PLCZ1: variants seen among roughly 807,000 people sequenced by gnomAD.
PLCZ1 encodes the protein 1-phosphatidylinositol 4,5-bisphosphate phosphodiesterase zeta-1.
Under a neutral mutation model 76.8 loss-of-function variants are expected in PLCZ1, and 64 were observed. The observed-to-expected ratio is 0.83, with a 90% CI of 0.68 to 1.03. PLCZ1 has a LOEUF of 1.03. Ranked by LOEUF, PLCZ1 falls within the 50% of genes least tolerant of loss-of-function variation. The pLI, the probability that PLCZ1 is intolerant of heterozygous loss-of-function variation, is 0.00. For synonymous variants in PLCZ1, 248 were observed against 230.8 expected, an observed-to-expected ratio of 1.07 and a Z score of -0.68; for missense variants, 751 against 713.7, an observed-to-expected ratio of 1.05 and a Z score of -0.60.
the PLCZ1 span, among the ~76,000 whole-genome samples, chr12:18,652,790 G>A: frequency 6.6e-6 from 1 of 151,912 alleles, no homozygotes; most frequent in East Asian, 1.9e-4. Context: ...CTAATGAGGT[G>A]GGAAAGAAAG....
chr12:18,683,633 T>C (rs1409698567), intron 14 of PLCZ1: 26 of 1,383,194 alleles, frequency 1.9e-5, no homozygotes, highest in Non-Finnish European at 2.2e-5. Context: ...TCTCAGATGC[T>C]GTTAGAAAAG....
intron 12 of PLCZ1, among the ~76,000 whole-genome samples, chr12:18,689,603 T>G (rs965372348): frequency 1.3e-5 from 2 of 152,152 alleles, no homozygotes; most frequent in African/African-American, 2.4e-5. Context: ...ATTAACAAAT[T>G]TGTTTGTACA....
chr12:18,683,151 T>C (rs1952592411), downstream of PLCZ1: 1 of 1,129,930 alleles, frequency 8.9e-7, no homozygotes, highest in African/African-American at 1.6e-5. Context: ...TTATTTTTCT[T>C]TATGTTTAAA....
At chr12:18,661,937 TA>T in the PLCZ1 span, among the ~76,000 whole-genome samples, 7 of 151,996 alleles carry the variant, frequency 4.6e-5, no homozygotes, top group East Asian at 1.4e-3. Flanking sequence ...TACACATCCA[TA>T]AAAAAAGAAC....
intron 13 of PLCZ1, chr12:18,685,679 A>T: frequency 3.9e-6 from 2 of 515,496 alleles, no homozygotes; most frequent in Non-Finnish European, 7.8e-6. Flanking sequence ...AAATAATTTC[A>T]TGGGGTACAG....
chr12:18,735,509 G>C (rs76211459), intron 3 of PLCZ1, among the ~76,000 whole-genome samples: 1 of 152,104 alleles, frequency 6.6e-6, no homozygotes, highest in East Asian at 1.9e-4. Context: ...CAAAGCATTG[G>C]GATTACAGGT....
intron 5 of PLCZ1, 51 bp downstream of exon 5, chr12:18,719,380 G>T: frequency 8.9e-7 from 1 of 1,127,264 alleles, no homozygotes; most frequent in South Asian, 2.4e-5. Context: ...GACACTGCCA[G>T]GAACTTCCAA....
the PLCZ1 span, among the ~76,000 whole-genome samples, chr12:18,655,767 T>C: frequency 0.14 from 19,257 of 139,342 alleles, 1,462 homozygotes; most frequent in Middle Eastern, 0.22. Context: ...AAAAAAAAAA[T>C]CAGAACTGAC....
At chr12:18,702,450 C>A (rs1345926816) in intron 7 of PLCZ1, among the ~76,000 whole-genome samples, 2 of 152,110 alleles carry the variant, frequency 1.3e-5, no homozygotes, top group Non-Finnish European at 2.9e-5. Context: ...CATTTAAGTA[C>A]CGGCTCTGTT....
At chr12:18,658,629 T>C in the PLCZ1 span, among the ~76,000 whole-genome samples, 1 of 152,164 alleles carries the variant, frequency 6.6e-6, no homozygotes, top group African/African-American at 2.4e-5. Context: ...AATCAATATT[T>C]TAATAAATAA....
At chr12:18,647,687 ACT>A in the PLCZ1 span, among the ~76,000 whole-genome samples, 7 of 151,886 alleles carry the variant, frequency 4.6e-5, no homozygotes, top group African/African-American at 1.7e-4. Context: ...CTGTCATTAA[ACT>A]CTATTGTGTT....
chr12:18,689,869 TTCTACTATCTGAGCAAGTCATAAAGTAA>T (rs1325818156), intron 12 of PLCZ1, among the ~76,000 whole-genome samples: 1 of 151,512 alleles, frequency 6.6e-6, no homozygotes, highest in Non-Finnish European at 1.5e-5. Flanking sequence ...AAATCGTGCC[TTCTACTATCTGAGCAAGTCATAAAGTAA>T]TCACAAAGCT....
At chr12:18,728,575 G>A (rs537865367) in intron 3 of PLCZ1, among the ~76,000 whole-genome samples, 2 of 152,210 alleles carry the variant, frequency 1.3e-5, no homozygotes, top group East Asian at 3.9e-4. Context: ...AGAAGGAGAA[G>A]GACTGATCAC....
At chr12:18,734,988 C>T (rs1194907258) in intron 3 of PLCZ1, among the ~76,000 whole-genome samples, 1 of 152,034 alleles carries the variant, frequency 6.6e-6, no homozygotes, top group Non-Finnish European at 1.5e-5. Flanking sequence ...TTGTCACATG[C>T]TTTTTCTATA....
At chr12:18,733,576 T>C (rs145027903) in intron 3 of PLCZ1, among the ~76,000 whole-genome samples, 306 of 152,316 alleles carry the variant, frequency 2.0e-3, no homozygotes, top group African/African-American at 7.0e-3. Flanking sequence ...TCCTATTTTC[T>C]TCTATGAGTT....
At chr12:18,657,569 A>G in the PLCZ1 span, among the ~76,000 whole-genome samples, 4 of 152,178 alleles carry the variant, frequency 2.6e-5, no homozygotes, top group Non-Finnish European at 4.4e-5. Context: ...AAATCTCTGT[A>G]AAATCATTAG....
intron 6 of PLCZ1, among the ~76,000 whole-genome samples, chr12:18,706,960 C>T (rs1343029347): frequency 1.3e-5 from 2 of 152,184 alleles, no homozygotes; most frequent in African/African-American, 4.8e-5. Flanking sequence ...AAGAATCCTC[C>T]TTGCCTCTTC....
chr12:18,656,791 C>T, the PLCZ1 span, among the ~76,000 whole-genome samples: 10 of 151,986 alleles, frequency 6.6e-5, no homozygotes, highest in Non-Finnish European at 8.8e-5. Flanking sequence ...CAGGCAGAAA[C>T]GGTCAGAATC....
Position 18,728,190 on chromosome 12 carries a change from G to T in PLCZ1, c.136-4648C>A, listed in dbSNP as rs74386961. ...TAGAGGAAAACAATATGCTATAGAA[G>T]AAAGTAGAATGATAACTTTGCAGTC... On this transcript the variant is annotated intron_variant, in intron 3 of 14. Coordinates refer to ENST00000266505, the MANE Select transcript of PLCZ1 (RefSeq NM_033123.4). 7.2e-3 allele frequency among the ~76,000 whole-genome samples: 1,094 copies of T among 152,306 alleles called. 10 individuals carry two copies. The highest frequency in any genetic ancestry group is 0.025 in the African/African-American group (1,045 of 41,562).
Sources: allele counts gnomAD v4.1 joint callset (sites outside exome capture counted in the v4.1 genomes callset), GRCh38; gene constraint gnomAD v4.1.1; transcripts MANE v1.5; gene names NCBI Gene and HGNC (gene_info 2026-07-23, HGNC 2026-07-21).